Variants in PTPN4 observed in about 807,000 individuals in gnomAD.
PTPN4 encodes tyrosine-protein phosphatase non-receptor type 4.
PTPN4 carries 49 observed loss-of-function variants against 135.5 expected under a neutral mutation model. The observed-to-expected ratio is 0.36, with a 90% CI of 0.29 to 0.46. The LOEUF is 0.46. Ranked by LOEUF, PTPN4 falls within the 20% of genes least tolerant of loss-of-function variation. The pLI is 1.00. For synonymous variants in PTPN4, 333 were observed against 369.9 expected (o/e 0.90, Z 1.14); for missense variants, 860 against 1,101.0 (o/e 0.78, Z 3.10).
intron 2 of PTPN4, among the ~76,000 whole-genome samples, chr2:119,829,868 G>A (rs1438836849): frequency 1.3e-5 from 2 of 152,098 alleles, no homozygotes; most frequent in Non-Finnish European, 2.9e-5. Flanking sequence ...ATAATTCAGT[G>A]TTTAACCTTT....
chr2:119,773,275 C>T (rs76964599), intron 1 of PTPN4, among the ~76,000 whole-genome samples: 2,420 of 152,092 alleles, frequency 0.016, 33 homozygotes, highest in Non-Finnish European at 0.028. Context: ...AAGTTGAAAA[C>T]GCACATACAG....
chr2:119,809,816 A>ATTTT, intron 1 of PTPN4, 21 bp from the exon 2 acceptor site: 1 of 1,165,646 alleles, frequency 8.6e-7, no homozygotes, highest in African/African-American at 1.6e-5. Flanking sequence ...TATTTAGTGA[A>ATTTT]TTTTTTTTTT....
At position 119,967,131 on chromosome 2, in the gene PTPN4, G is replaced by T. The variant is rs557355689; in HGVS notation, c.2559-706G>T. Among the ~76,000 whole-genome samples the T allele has an allele frequency of 6.6e-5, 10 of 152,292 alleles. No individual in the cohort carries two copies. The East Asian group carries it at 1.9e-3, about 29-fold the overall frequency. ...ATTAGAAGTTAAAAAGTTGTTCTTGGCTATCCCAGTGGTAAAGTTTAATTT... is the reference window on the plus strand; with the variant it reads ...ATTAGAAGTTAAAAAGTTGTTCTTGTCTATCCCAGTGGTAAAGTTTAATTT... On this transcript the variant is annotated intron_variant, in intron 25 of 26. Coordinates refer to ENST00000263708, the MANE Select transcript of PTPN4 (RefSeq NM_002830.4).
intron 2 of PTPN4, among the ~76,000 whole-genome samples, chr2:119,831,742 T>C (rs1315266843): frequency 3.3e-5 from 5 of 152,222 alleles, no homozygotes; most frequent in African/African-American, 4.8e-5. Context: ...TATATCATTA[T>C]ATTTTGAGTT....
intron 12 of PTPN4, among the ~76,000 whole-genome samples, chr2:119,922,491 G>A (rs2105030277): frequency 6.6e-6 from 1 of 152,272 alleles, no homozygotes; most frequent in African/African-American, 2.4e-5. Context: ...TACTTTGATT[G>A]CATTTCAAGT....
At chr2:119,779,771 G>A (rs11682213) in intron 1 of PTPN4, among the ~76,000 whole-genome samples, 93,307 of 152,004 alleles carry the variant, frequency 0.61, 30,183 homozygotes, top group East Asian at 0.82. Flanking sequence ...TTTGAGACAC[G>A]GTCTCTCTTT....
chr2:119,815,493 T>C (rs1467410045), intron 2 of PTPN4, among the ~76,000 whole-genome samples: 1 of 152,230 alleles, frequency 6.6e-6, no homozygotes, highest in Admixed American at 6.5e-5. Context: ...ATATAACGTT[T>C]TCATCCATGT....
In PTPN4 at chr2:119,881,834, G is replaced by A. The variant is rs764759382; in HGVS notation, c.413+4G>A. 4 of 1,552,416 alleles carry A rather than the reference G, an allele frequency of 2.6e-6. No individual in the cohort carries two copies. The highest frequency in any genetic ancestry group is 1.4e-5 in the African/African-American group (1 of 72,670). ...AACAAGACATTCTTACTGGAAGGTG[G>A]GCTCTTTAAATTTCTTAAAAAATTT... On this transcript the variant is annotated splice_donor_region_variant and intron_variant, in intron 6 of 26. Transcript: ENST00000263708.
chr2:119,772,582 G>T (rs1438860917), intron 1 of PTPN4, among the ~76,000 whole-genome samples: 1 of 152,146 alleles, frequency 6.6e-6, no homozygotes, highest in South Asian at 2.1e-4. Context: ...CTGTTGCCCA[G>T]GCTGGAGTGC....
intron 9 of PTPN4, among the ~76,000 whole-genome samples, chr2:119,894,457 A>G (rs1462510860): frequency 3.9e-5 from 6 of 152,224 alleles, no homozygotes; most frequent in Admixed American, 6.5e-5. Flanking sequence ...TTATGAAAGC[A>G]TAAATAGGTC....
rs1375583021 is a variant in PTPN4, at chr2:119,879,976, T to C, written c.369-1810T>C. 4 of 137,014 alleles carry C rather than the reference T, an allele frequency of 2.9e-5. No homozygotes were observed. In the East Asian group the frequency reaches 6.7e-4, roughly 23 times the overall value. The allele number at this position is 137,014 out of a possible 1,614,324, so 8.5% of individuals were successfully genotyped here. A position where few individuals can be genotyped will look rare whatever the true frequency, so the allele number is the denominator to read the frequency against. On this transcript the variant is annotated intron_variant, in intron 5 of 26. Transcript: ENST00000263708. ...TAAAATATCCCTTTAACTAATGAAT[T>C]AGTTTAGTTTAATTAGTGAAAAATA...
At chr2:119,940,723 A>G (rs1679049684) in intron 15 of PTPN4, among the ~76,000 whole-genome samples, 1 of 152,180 alleles carries the variant, frequency 6.6e-6, no homozygotes, top group Non-Finnish European at 1.5e-5. Context: ...GCACATTTGT[A>G]TTAGTGTCTA....
At chr2:119,776,578 CCA>C (rs1558722087) in intron 1 of PTPN4, among the ~76,000 whole-genome samples, 1 of 152,130 alleles carries the variant, frequency 6.6e-6, no homozygotes, top group Non-Finnish European at 1.5e-5. Flanking sequence ...GCTTCCCCTT[CCA>C]CTTCCTCCAC....
At chr2:119,868,985 A>T (rs1677871531) in intron 3 of PTPN4, among the ~76,000 whole-genome samples, 1 of 152,120 alleles carries the variant, frequency 6.6e-6, no homozygotes, top group African/African-American at 2.4e-5. Flanking sequence ...GAGAAATCCC[A>T]CTTTTAGCTA....
intron 1 of PTPN4, among the ~76,000 whole-genome samples, chr2:119,787,947 A>G (rs1422160268): frequency 6.6e-6 from 1 of 152,212 alleles, no homozygotes; most frequent in Non-Finnish European, 1.5e-5. Context: ...TGAAGTTTAA[A>G]AATAGAATGT....
chr2:119,832,842 G>A (rs919712052), intron 2 of PTPN4, among the ~76,000 whole-genome samples: 7 of 151,638 alleles, frequency 4.6e-5, no homozygotes, highest in Non-Finnish European at 7.4e-5. Flanking sequence ...ATTCTTTTAC[G>A]CACATTCCCT....
intron 13 of PTPN4, among the ~76,000 whole-genome samples, chr2:119,928,719 T>A (rs981569817): frequency 3.3e-5 from 5 of 152,178 alleles, no homozygotes; most frequent in African/African-American, 1.2e-4. Flanking sequence ...CTTAGTGTTG[T>A]AACAGCGTAG....
At chr2:119,882,735 C>G (rs894613912) in intron 8 of PTPN4, 112 bp downstream of exon 8, 6 of 886,216 alleles carry the variant, frequency 6.8e-6, no homozygotes, top group Non-Finnish European at 9.6e-6. Context: ...ATTACTGTTA[C>G]CTAAAATAAT....
intron 26 of PTPN4, among the ~76,000 whole-genome samples, chr2:119,974,062 C>T (rs1398198858): frequency 6.6e-6 from 1 of 152,024 alleles, no homozygotes; most frequent in Admixed American, 6.6e-5. Context: ...TGATTCTTTC[C>T]CTTTATCTAT....
Sources: gnomAD v4.1 joint callset for allele counts (sites outside exome capture counted in the v4.1 genomes callset) on GRCh38, gnomAD v4.1.1 for gene constraint, MANE v1.5 for transcripts, NCBI Gene and HGNC (gene_info 2026-07-23, HGNC 2026-07-21) for gene names.